The following EPHA4 variants were observed in gnomAD, a reference collection of about 807,000 sequenced individuals.
The protein encoded by EPHA4 is EPH receptor A4.
EPHA4 carries 19 observed loss-of-function variants against 108.3 expected under a neutral mutation model. The observed-to-expected ratio is 0.18, with a 90% CI of 0.12 to 0.26. The LOEUF (loss-of-function observed/expected upper bound fraction) is 0.26, where lower values mean the gene tolerates loss of function less well. Ranked by LOEUF, EPHA4 falls within the 10% of genes least tolerant of loss-of-function variation. The pLI is 1.00. For missense variants in EPHA4, 917 were observed against 1,254.0 expected, an observed-to-expected ratio of 0.73 and a Z score of 4.06; for synonymous variants, 449 against 455.5, an observed-to-expected ratio of 0.99 and a Z score of 0.18.
At position 221,526,903 on chromosome 2, in the gene EPHA4, C is replaced by T. The variant is rs543998059; in HGVS notation, c.824-25731G>A. On this transcript the variant is annotated intron_variant, in intron 3 of 17. Coordinates refer to ENST00000281821, the MANE Select transcript of EPHA4 (RefSeq NM_004438.5). ...AAAAAAAAAAAAAAAAAAATTGACA[C>T]ACAAACACGTTTAAAATGAGCAGTA... 3.3e-3 allele frequency among the ~76,000 whole-genome samples: 390 copies of T among 119,682 alleles called. 3 individuals carry two copies. Among genetic ancestry groups the T allele is most frequent in the African/African-American group, 0.011 (368 of 33,010 alleles). 78.5% of individuals were successfully genotyped at this position (119,682 alleles called of 152,430 possible).
chr2:221,551,228 A>T (rs185289491), intron 3 of EPHA4, among the ~76,000 whole-genome samples: 2 of 152,278 alleles, frequency 1.3e-5, no homozygotes. Flanking sequence ...TAGTATTCAC[A>T]AGATAGTTCA....
intron 10 of EPHA4, among the ~76,000 whole-genome samples, chr2:221,443,253 G>T (rs1574566962): frequency 7.7e-6 from 1 of 129,456 alleles, no homozygotes; most frequent in Non-Finnish European, 1.7e-5. Flanking sequence ...GTAAGAAACA[G>T]AGTAAATCTT....
In EPHA4 at chr2:221,482,600, C is replaced by T. The variant is rs756184907; in HGVS notation, c.1070G>A (p.Arg357His). Residue 357 changes from arginine to histidine, a missense_variant, in exon 5 of 18, where the codon CGC becomes CAC. Around this residue, in one of 3 missense-constraint regions of EPHA4, gnomAD observed 758 missense variants for 1,076.7 expected, o/e 0.70. Coordinates refer to ENST00000281821, the MANE Select transcript of EPHA4 (RefSeq NM_004438.5). ...TACCACATTATAGGAAATGTCCTGG[C>T]GGCCACCTGTATTCTGAGGGCTACT... ...EWSSPQNTGG[R>H]QDISYNVVCK... is the part of the protein sequence containing the mutation. 1.4e-5 allele frequency: 22 copies of T among 1,613,868 alleles called. No homozygotes were observed. The highest frequency in any genetic ancestry group is 4.0e-5 in the African/African-American group (3 of 74,902).
intron 15 of EPHA4, among the ~76,000 whole-genome samples, chr2:221,428,237 A>G (rs1430229): frequency 0.038 from 5,817 of 152,298 alleles, 273 homozygotes; most frequent in East Asian, 0.22. Context: ...TACAATGAAA[A>G]TATCTTCACT....
rs766926532 is a variant in EPHA4 at position 221,420,382 on chromosome 2, ATT to A, written c.*988_*989del. On this transcript the variant is annotated 3_prime_UTR_variant, in exon 18 of 18. Transcript: ENST00000281821. ...AAGGGGATTTGAAAGTCACACATTTATTCTTTTCAGGTATGGGTGTTGTTTCA... is the reference window on the plus strand; with the variant it reads ...AAGGGGATTTGAAAGTCACACATTTACTTTTCAGGTATGGGTGTTGTTTCA... 12 of 152,658 alleles carry A rather than the reference ATT, an allele frequency of 7.9e-5. No individual in the cohort carries two copies. The highest frequency in any genetic ancestry group is 1.5e-4 in the Non-Finnish European group (10 of 68,038). The allele number at this position is 152,658 out of a possible 1,614,324, so 9.5% of individuals were successfully genotyped here.
At chr2:221,474,114 C>T (rs1430211) in intron 5 of EPHA4, among the ~76,000 whole-genome samples, 76,905 of 151,952 alleles carry the variant, frequency 0.51, 19,888 homozygotes, top group Non-Finnish European at 0.56. Flanking sequence ...ATTACCACTA[C>T]GTTCTATAGA....
At chr2:221,423,890 T>C (rs1467930778) in intron 17 of EPHA4, among the ~76,000 whole-genome samples, 1 of 151,940 alleles carries the variant, frequency 6.6e-6, no homozygotes, top group East Asian at 1.9e-4. Flanking sequence ...CTGAGGCAGG[T>C]GGACTGTCTG....
At chr2:221,545,947 T>C (rs560997232) in intron 3 of EPHA4, among the ~76,000 whole-genome samples, 16 of 152,244 alleles carry the variant, frequency 1.1e-4, no homozygotes, top group Non-Finnish European at 2.2e-4. Context: ...TGTTCAACAT[T>C]GTTTAATTTT....
chr2:221,492,897 AAACTAT>A (rs1164450205), intron 4 of EPHA4, among the ~76,000 whole-genome samples: 1 of 152,246 alleles, frequency 6.6e-6, no homozygotes, highest in Non-Finnish European at 1.5e-5. Flanking sequence ...ATGCAGTATG[AAACTAT>A]ACTATTACAT....
chr2:221,560,990 C>T (rs1694444947), intron 3 of EPHA4, among the ~76,000 whole-genome samples: 1 of 152,166 alleles, frequency 6.6e-6, no homozygotes, highest in African/African-American at 2.4e-5. Flanking sequence ...CGCCTGTAAT[C>T]CCAGCACTTT....
At chr2:221,434,687 C>T (rs1690178326) in intron 13 of EPHA4, among the ~76,000 whole-genome samples, 1 of 152,156 alleles carries the variant, frequency 6.6e-6, no homozygotes, top group African/African-American at 2.4e-5. Flanking sequence ...GCAATGCTTA[C>T]ACTGCTTCAA....
At chr2:221,546,654 C>T (rs913131507) in intron 3 of EPHA4, among the ~76,000 whole-genome samples, 3 of 152,110 alleles carry the variant, frequency 2.0e-5, no homozygotes, top group Admixed American at 2.0e-4. Flanking sequence ...TAAGCTATGG[C>T]TTAGAAGAGG....
intron 9 of EPHA4, 107 bp from the exon 10 acceptor site, chr2:221,443,713 G>A: frequency 1.3e-6 from 1 of 754,662 alleles, no homozygotes; most frequent in East Asian, 2.7e-5. Flanking sequence ...CAAGTTAGCT[G>A]TACGGTCTTG....
chr2:221,435,278 C>T (rs1690197089), intron 13 of EPHA4, among the ~76,000 whole-genome samples: 1 of 152,160 alleles, frequency 6.6e-6, no homozygotes, highest in African/African-American at 2.4e-5. Context: ...AAATATTTGG[C>T]TAAGGTTTTA....
chr2:221,509,261 G>A (rs1186637437), intron 3 of EPHA4, among the ~76,000 whole-genome samples: 1 of 152,230 alleles, frequency 6.6e-6, no homozygotes, highest in Non-Finnish European at 1.5e-5. Context: ...CCGGGAGGCG[G>A]AGGTTGCAGT....
At chr2:221,458,810 C>T (rs910695223) in intron 5 of EPHA4, among the ~76,000 whole-genome samples, 3 of 152,190 alleles carry the variant, frequency 2.0e-5, no homozygotes, top group Non-Finnish European at 4.4e-5. Flanking sequence ...TCTGCTGACA[C>T]TGACAATGGC....
In EPHA4 at chr2:221,459,288, GCA is replaced by G. The variant is rs762674416; in HGVS notation, c.1319-1300_1319-1299del. 7.0e-3 allele frequency among the ~76,000 whole-genome samples: 975 copies of G among 139,800 alleles called. 13 individuals carry two copies. Among genetic ancestry groups the G allele is most frequent in the African/African-American group, 0.023 (891 of 37,960 alleles). The allele number at this position is 139,800 out of a possible 152,430, so 91.7% of individuals were successfully genotyped here. ...ATCTCTGTTAGGGATGGTAACAGGC[GCA>G]CACACACACACACACACACCCCTCT... On this transcript the variant is annotated intron_variant, in intron 5 of 17. Coordinates refer to ENST00000281821, the MANE Select transcript of EPHA4 (RefSeq NM_004438.5).
At chr2:221,513,922 T>A (rs1245861315) in intron 3 of EPHA4, among the ~76,000 whole-genome samples, 1 of 152,108 alleles carries the variant, frequency 6.6e-6, no homozygotes, top group African/African-American at 2.4e-5. Flanking sequence ...TATGGAGAAT[T>A]TGCACTGTCT....
intron 4 of EPHA4, 120 bp from the exon 5 acceptor site, chr2:221,482,810 C>A: frequency 2.4e-6 from 2 of 831,876 alleles, no homozygotes; most frequent in Non-Finnish European, 3.7e-6. Flanking sequence ...GCAAAGAAAG[C>A]AAAAAGCAAA....
Sources: allele counts gnomAD v4.1 joint callset (sites outside exome capture counted in the v4.1 genomes callset), GRCh38; gene constraint gnomAD v4.1.1; regional missense constraint gnomAD v4.1.1; transcripts MANE v1.5; gene names NCBI Gene and HGNC (gene_info 2026-07-23, HGNC 2026-07-21).